AFG1L: variants seen among roughly 807,000 people sequenced by gnomAD.
AFG1L encodes AFG1-like ATPase.
Under a neutral mutation model 62.2 loss-of-function variants are expected in AFG1L, and 53 were observed. That is an observed-to-expected ratio of 0.85 (90% CI 0.68 to 1.07). The LOEUF (loss-of-function observed/expected upper bound fraction) is 1.07, where lower values mean the gene tolerates loss of function less well. Among genes scored for constraint, AFG1L ranks in the 50% least tolerant of loss-of-function variants. The probability of loss-of-function intolerance (pLI) is 0.00; values close to 1 mark genes in which losing one functional copy is unlikely to be tolerated. For synonymous variants in AFG1L, 228 were observed against 210.3 expected, an observed-to-expected ratio of 1.08 and a Z score of -0.73; for missense variants, 555 against 590.5, an observed-to-expected ratio of 0.94 and a Z score of 0.62.
intron 3 of AFG1L, among the ~76,000 whole-genome samples, chr6:108,349,761 T>C (rs1370048784): frequency 1.3e-5 from 2 of 151,360 alleles, no homozygotes; most frequent in Non-Finnish European, 2.9e-5. Context: ...ACAAAAAAAT[T>C]AAAAAATTAG....
At chr6:108,304,385 G>A (rs147829121) in intron 1 of AFG1L, among the ~76,000 whole-genome samples, 11 of 152,258 alleles carry the variant, frequency 7.2e-5, no homozygotes, top group Middle Eastern at 3.4e-3. Context: ...TATCTTTTGG[G>A]TATGATTAGA....
intron 6 of AFG1L, among the ~76,000 whole-genome samples, chr6:108,366,957 A>G (rs1779788330): frequency 6.6e-6 from 1 of 152,132 alleles, no homozygotes; most frequent in Non-Finnish European, 1.5e-5. Flanking sequence ...TTCTCCAGAT[A>G]TCTGCATGGC....
intron 2 of AFG1L, among the ~76,000 whole-genome samples, chr6:108,340,238 T>C (rs993929768): frequency 6.6e-6 from 1 of 152,164 alleles, no homozygotes; most frequent in African/African-American, 2.4e-5. Flanking sequence ...TATCTCATTC[T>C]TTTTTTATGG....
chr6:108,306,622 C>T (rs1014270330), intron 1 of AFG1L, among the ~76,000 whole-genome samples: 1 of 152,120 alleles, frequency 6.6e-6, no homozygotes, highest in African/African-American at 2.4e-5. Flanking sequence ...ATTCATTTTC[C>T]AAGCACTTCT....
chr6:108,379,062 G>C (rs2114545982), intron 6 of AFG1L, among the ~76,000 whole-genome samples: 1 of 146,960 alleles, frequency 6.8e-6, no homozygotes, highest in East Asian at 2.0e-4. Context: ...GGAGTGCAGA[G>C]TGCAGTGGCC....
At chr6:108,415,857 T>C (rs1770240001) in intron 7 of AFG1L, among the ~76,000 whole-genome samples, 1 of 152,188 alleles carries the variant, frequency 6.6e-6, no homozygotes, top group African/African-American at 2.4e-5. Context: ...GACATAGGCA[T>C]GGGCAAGGAC....
chr6:108,302,588 T>C (rs921699133), intron 1 of AFG1L, among the ~76,000 whole-genome samples: 1 of 152,068 alleles, frequency 6.6e-6, no homozygotes, highest in African/African-American at 2.4e-5. Flanking sequence ...ACTTTACTTA[T>C]TTACTTACTA....
At chr6:108,441,701 T>TA (rs33913085) in intron 7 of AFG1L, among the ~76,000 whole-genome samples, 12,461 of 141,650 alleles carry the variant, frequency 0.088, 585 homozygotes, top group South Asian at 0.13. Flanking sequence ...GAGGTTTATT[T>TA]AAAAAAAAAA....
At chr6:108,433,605 A>G (rs1237999402) in intron 7 of AFG1L, among the ~76,000 whole-genome samples, 1 of 133,410 alleles carries the variant, frequency 7.5e-6, no homozygotes, top group Non-Finnish European at 1.6e-5. Context: ...TTATTATTTT[A>G]TTTTTTGAGA....
intron 12 of AFG1L, 42 bp downstream of exon 12, chr6:108,519,852 T>G (rs1340221209): frequency 1.5e-6 from 2 of 1,318,708 alleles, no homozygotes; most frequent in Admixed American, 3.9e-5. Context: ...ATAAAACAGC[T>G]TAATTGTTTT....
At chr6:108,427,555 T>G (rs1233554295) in intron 7 of AFG1L, among the ~76,000 whole-genome samples, 1 of 142,734 alleles carries the variant, frequency 7.0e-6, no homozygotes. Flanking sequence ...GGAGTCTTGC[T>G]CTGTCACCCA....
At chr6:108,517,673 A>C (rs1774956684) in intron 11 of AFG1L, among the ~76,000 whole-genome samples, 1 of 152,246 alleles carries the variant, frequency 6.6e-6, no homozygotes, top group South Asian at 2.1e-4. Context: ...TAAACTGAAG[A>C]GCTTCTGCCC....
chr6:108,419,320 G>A (rs530394520), intron 7 of AFG1L, among the ~76,000 whole-genome samples: 5 of 152,148 alleles, frequency 3.3e-5, no homozygotes, highest in East Asian at 1.9e-4. Flanking sequence ...TGACAGCTTA[G>A]CATGCTATCT....
At chr6:108,309,059 C>T (rs1007798680) in intron 1 of AFG1L, among the ~76,000 whole-genome samples, 10 of 152,006 alleles carry the variant, frequency 6.6e-5, no homozygotes, top group South Asian at 2.1e-4. Flanking sequence ...TTGTGTGTGT[C>T]CTATTTATGA....
At chr6:108,510,381 T>G in intron 11 of AFG1L, 29 bp downstream of exon 11, 2 of 1,567,582 alleles carry the variant, frequency 1.3e-6, no homozygotes, top group Non-Finnish European at 1.7e-6. Context: ...TTCTTAAAAC[T>G]AAACACTTTG....
chr6:108,473,684 A>C (rs1055261763), intron 8 of AFG1L, among the ~76,000 whole-genome samples: 3 of 151,978 alleles, frequency 2.0e-5, no homozygotes, highest in African/African-American at 7.3e-5. Context: ...CAGCCTTCCG[A>C]GTAGCTGGGA....
intron 7 of AFG1L, among the ~76,000 whole-genome samples, chr6:108,405,146 T>C (rs1781794580): frequency 1.3e-5 from 2 of 152,224 alleles, no homozygotes; most frequent in Middle Eastern, 3.2e-3. Context: ...TCATGACTGC[T>C]TTAAAATCTT....
chr6:108,367,763 G>T (rs893483068), intron 6 of AFG1L, among the ~76,000 whole-genome samples: 1 of 152,190 alleles, frequency 6.6e-6, no homozygotes, highest in African/African-American at 2.4e-5. Flanking sequence ...GGAAAGAGCA[G>T]CTGGTGAGGT....
At chr6:108,375,112 G>T (rs1289979406) in intron 6 of AFG1L, among the ~76,000 whole-genome samples, 2 of 152,058 alleles carry the variant, frequency 1.3e-5, no homozygotes, top group Non-Finnish European at 2.9e-5. Flanking sequence ...TTGCATTCTT[G>T]ATTTGGCTCT....
Sources: gnomAD v4.1 joint callset for allele counts (sites outside exome capture counted in the v4.1 genomes callset) on GRCh38, gnomAD v4.1.1 for gene constraint, MANE v1.5 for transcripts, NCBI Gene and HGNC (gene_info 2026-07-23, HGNC 2026-07-21) for gene names.